GEM: variants seen among roughly 807,000 people sequenced by gnomAD.
GEM encodes the protein GTP binding protein overexpressed in skeletal muscle.
Under a neutral mutation model 33.0 loss-of-function variants are expected in GEM, and 31 were observed. The ratio of observed to expected loss-of-function variants is 0.94; its 90% confidence interval spans 0.71 to 1.27. The LOEUF is 1.27. GEM is among the 50% of genes most tolerant of loss of function. The pLI, the probability that GEM is intolerant of heterozygous loss-of-function variation, is 0.00. For synonymous variants in GEM, 141 were observed against 143.7 expected (o/e 0.98, Z 0.13); for missense variants, 354 against 390.5 (o/e 0.91, Z 0.79).
chr8:94,250,304 G>C lies in GEM; in HGVS notation c.*6C>G. 2 of 1,605,458 alleles carry C rather than the reference G, an allele frequency of 1.2e-6. No homozygotes were observed. The highest frequency in any genetic ancestry group is 8.5e-7 in the Non-Finnish European group (1 of 1,174,162). On this transcript the variant is annotated 3_prime_UTR_variant, in exon 5 of 5. Transcript: ENST00000297596. ...ATCAAAGGGACATCTGGGTGACCCT[G>C]GGTTCCTAGAGTACAGAGAGGTCAT...
chr8:94,254,533 G>A (rs1218639548), intron 2 of GEM, among the ~76,000 whole-genome samples: 2 of 152,166 alleles, frequency 1.3e-5, no homozygotes, highest in Admixed American at 1.3e-4. Context: ...TGGGCACAAA[G>A]TAGAAACTCA....
intron 2 of GEM, among the ~76,000 whole-genome samples, chr8:94,256,913 C>G (rs1808902792): frequency 6.6e-6 from 1 of 152,178 alleles, no homozygotes; most frequent in South Asian, 2.1e-4. Context: ...GGAGGTATTA[C>G]CCCAATTACA....
At chr8:94,254,360 T>C (rs199942056) in intron 2 of GEM, among the ~76,000 whole-genome samples, 1 of 152,196 alleles carries the variant, frequency 6.6e-6, no homozygotes, top group Non-Finnish European at 1.5e-5. Flanking sequence ...ATTGTGGCTG[T>C]GAAAACAAGC....
In GEM at chr8:94,260,301, G is replaced by A; in HGVS notation, c.203C>T (p.Ser68Phe). 1 of 1,613,766 alleles carries A rather than the reference G, an allele frequency of 6.2e-7. No homozygotes were observed. Among genetic ancestry groups the A allele is most frequent in the Non-Finnish European group, 8.5e-7 (1 of 1,179,592 alleles). ...WSSDSTDSVISSESGNTYYRV... is the reference protein window; with the variant it reads ...WSSDSTDSVIFSESGNTYYRV... The stretch of plus-strand genomic sequence containing the variant: ...GTAGTAGGTGTTCCCTGACTCAGAG[G>A]AGATGACTGAGTCTGTGGAGTCAGA... Residue 68 changes from serine (S) to phenylalanine (F), a missense_variant, in exon 2 of 5, where the codon TCC becomes TTC. Coordinates refer to ENST00000297596, the MANE Select transcript of GEM (RefSeq NM_005261.4).
At chr8:94,253,380 C>A (rs966529288) in intron 2 of GEM, among the ~76,000 whole-genome samples, 1 of 152,218 alleles carries the variant, frequency 6.6e-6, no homozygotes, top group Non-Finnish European at 1.5e-5. Flanking sequence ...TTGTTTGCAT[C>A]ATTCCTGGAC....
At chr8:94,253,751 G>A (rs1808828643) in intron 2 of GEM, among the ~76,000 whole-genome samples, 1 of 152,164 alleles carries the variant, frequency 6.6e-6, no homozygotes, top group East Asian at 1.9e-4. Flanking sequence ...CTTGGTAATG[G>A]AAACTTTCCT....
intron 2 of GEM, among the ~76,000 whole-genome samples, chr8:94,258,019 TCATGGTCCCCTGCGGCCC>T (rs1294422671): frequency 6.6e-6 from 1 of 152,122 alleles, no homozygotes; most frequent in Non-Finnish European, 1.5e-5. Flanking sequence ...CTGTGTCTTT[TCATGGTCCCCTGCGGCCC>T]CAGGATCAGC....
At chr8:94,253,879 T>C (rs902007051) in intron 2 of GEM, among the ~76,000 whole-genome samples, 1 of 152,168 alleles carries the variant, frequency 6.6e-6, no homozygotes, top group Non-Finnish European at 1.5e-5. Flanking sequence ...AGGGGTACAG[T>C]GGGATTTTTG....
At chr8:94,251,932 T>C in intron 4 of GEM, 87 bp downstream of exon 4, 1 of 1,007,134 alleles carries the variant, frequency 9.9e-7, no homozygotes, top group Non-Finnish European at 1.6e-6. Context: ...AGATCCAGCC[T>C]CGTGGAAGGA....
Position 94,250,434 on chromosome 8 carries a change from T to A in GEM, c.767A>T (p.Gln256Leu). 1 of 1,614,218 alleles carries A rather than the reference T, an allele frequency of 6.2e-7. No individual in the cohort carries two copies. ...CCTGGGCATGCTCTCCTTCCTTTTCTGGTAGGCCAGCCGCCGTTCATTCTT... is the reference window on the plus strand; with the variant it reads ...CCTGGGCATGCTCTCCTTCCTTTTCAGGTAGGCCAGCCGCCGTTCATTCTT... ...KEKNERRLAY[Q>L]KRKESMPRKA... Residue 256 changes from glutamine (Q) to leucine (L), a missense_variant, in exon 5 of 5, where the codon CAG becomes CTG. Coordinates refer to ENST00000297596, the MANE Select transcript of GEM (RefSeq NM_005261.4).
Position 94,252,121 on chromosome 8 carries a change from G to A in GEM, c.511C>T (p.Leu171=), listed in dbSNP as rs1808787996. 1 of 1,613,804 alleles carries A rather than the reference G, an allele frequency of 6.2e-7. No individual in the cohort carries two copies. The highest frequency in any genetic ancestry group is 1.3e-5 in the African/African-American group (1 of 75,040). Reference sequence around the variant, plus strand: ...CGGGCCCTGCGGAGCTGGATTCGCAGCTCAGATGCCTTCTCGAAGCTCGCT... The same window carrying A: ...CGGGCCCTGCGGAGCTGGATTCGCAACTCAGATGCCTTCTCGAAGCTCGCT... ...DRASFEKASE[L]RIQLRRARQT... Residue 171 remains leucine, a synonymous_variant, in exon 4 of 5, where the codon CTG becomes TTG. Coordinates refer to ENST00000297596, the MANE Select transcript of GEM (RefSeq NM_005261.4).
At chr8:94,257,402 G>C (rs1383350476) in intron 2 of GEM, among the ~76,000 whole-genome samples, 1 of 152,030 alleles carries the variant, frequency 6.6e-6, no homozygotes, top group African/African-American at 2.4e-5. Flanking sequence ...GGCTGGTCTT[G>C]GACTCCTGAC....
At chr8:94,257,797 A>G (rs913200172) in intron 2 of GEM, among the ~76,000 whole-genome samples, 4 of 151,986 alleles carry the variant, frequency 2.6e-5, no homozygotes, top group African/African-American at 9.7e-5. Flanking sequence ...AACAATATCC[A>G]TCTTTATTAG....
rs2170363 is a variant in GEM, at chr8:94,260,377, G to A, written c.127C>T (p.Arg43Cys). The change falls in exon 2 of 5, where the codon CGC becomes TGC. Residue 43 changes from arginine (R) to cysteine (C), a missense_variant. Coordinates refer to ENST00000297596, the MANE Select transcript of GEM (RefSeq NM_005261.4). ...TCAGGGGTAGCAGAATGGCGGTTGC[G>A]GTGGCTGTACTGGTGGGGCTCTTTC... ...VQKEPHQYSH[R>C]NRHSATPEDH... The A allele has an allele frequency of 6.6e-3, 10,575 of 1,613,916 alleles. 593 individuals are homozygous for A. In the African/African-American group the frequency reaches 0.12, roughly 18 times the overall value.
At chr8:94,260,557 T>A (rs1047978938) in intron 1 of GEM, 45 bp from the exon 2 acceptor site, 26 of 1,106,408 alleles carry the variant, frequency 2.3e-5, no homozygotes, top group Non-Finnish European at 3.3e-5. Flanking sequence ...TAAGCATGAG[T>A]GAGAGCTCCG....
intron 1 of GEM, 83 bp from the exon 2 acceptor site, chr8:94,260,595 T>C (rs773250881): frequency 1.4e-6 from 1 of 739,730 alleles, no homozygotes; most frequent in Non-Finnish European, 2.2e-6. Context: ...TCATCAGTAA[T>C]ATTTTATTAG....
At chr8:94,260,638 G>A in intron 1 of GEM, 126 bp from the exon 2 acceptor site, 2 of 619,640 alleles carry the variant, frequency 3.2e-6, no homozygotes, top group Non-Finnish European at 2.8e-6. Context: ...CTAACATAAA[G>A]ACCACCAATT....
chr8:94,253,216 T>C (rs1808816222), intron 2 of GEM, 104 bp from the exon 3 acceptor site: 1 of 695,110 alleles, frequency 1.4e-6, no homozygotes, highest in Admixed American at 2.3e-5. Context: ...TTACTAAATA[T>C]GCAATTAATT....
intron 2 of GEM, 50 bp from the exon 3 acceptor site, chr8:94,253,162 T>C (rs2129756189): frequency 2.1e-6 from 2 of 944,268 alleles, no homozygotes; most frequent in Non-Finnish European, 3.5e-6. Context: ...ATGCAACACT[T>C]CTCCATAAGA....
Sources: gnomAD v4.1 joint callset for allele counts (sites outside exome capture counted in the v4.1 genomes callset) on GRCh38, gnomAD v4.1.1 for gene constraint, MANE v1.5 for transcripts, NCBI Gene and HGNC (gene_info 2026-07-23, HGNC 2026-07-21) for gene names.